Variants in ROR2 observed in about 807,000 individuals in gnomAD.
The protein encoded by ROR2 is ROR family WNT receptor 2, also known as tyrosine-protein kinase transmembrane receptor ROR2.
Under a neutral mutation model 74.9 loss-of-function variants are expected in ROR2, and 33 were observed. The ratio of observed to expected loss-of-function variants is 0.44; its 90% CI spans 0.33 to 0.59. The LOEUF is 0.59. Among genes scored for constraint, ROR2 ranks in the 20% least tolerant of loss-of-function variants. ROR2 has a pLI of 0.02. For missense variants in ROR2, 1,216 were observed against 1,313.8 expected (o/e 0.93, Z 1.15); for synonymous variants, 586 against 558.7 (o/e 1.05, Z -0.69).
intron 1 of ROR2, among the ~76,000 whole-genome samples, chr9:91,935,205 C>T (rs7038823): frequency 0.3 from 45,599 of 152,096 alleles, 6,995 homozygotes; most frequent in Non-Finnish European, 0.32. Flanking sequence ...ACCCCACCTC[C>T]GGCACTCAAC....
At position 91,724,694 on chromosome 9, in the gene ROR2, C is replaced by G. The variant is rs368564192; in HGVS notation, c.1800G>C (p.Ala600=). The change falls in exon 9 of 9, where the codon GCG becomes GCC. Residue 600 remains alanine (A), a synonymous_variant. Coordinates refer to ENST00000375708, the MANE Select transcript of ROR2 (RefSeq NM_004560.4). ...GGCTGGATAGGTACTCCATCCCCGC[C>G]GCGATCTGTGCCACAAGGTGCACGA... ...PDFVHLVAQI[A]AGMEYLSSHH... is the part of the protein sequence containing the mutation. 100 of 1,614,102 alleles carry G rather than the reference C, an allele frequency of 6.2e-5. No individual in the cohort carries two copies. The highest frequency in any genetic ancestry group is 8.1e-5 in the Non-Finnish European group (95 of 1,180,046).
intron 1 of ROR2, among the ~76,000 whole-genome samples, chr9:91,939,405 C>T (rs958898447): frequency 2.6e-5 from 4 of 152,284 alleles, no homozygotes; most frequent in African/African-American, 9.6e-5. Flanking sequence ...AGTCAAAGAG[C>T]TTGGGATAAC....
At chr9:91,913,106 G>A (rs889901249) in intron 1 of ROR2, among the ~76,000 whole-genome samples, 1 of 152,072 alleles carries the variant, frequency 6.6e-6, no homozygotes, top group African/African-American at 2.4e-5. Context: ...TCCAGCCTGA[G>A]CAACAGAGTG....
chr9:91,767,026 G>A (rs1210475287), intron 2 of ROR2, among the ~76,000 whole-genome samples: 1 of 151,852 alleles, frequency 6.6e-6, no homozygotes, highest in Admixed American at 6.6e-5. Flanking sequence ...CAAAGTAACA[G>A]AGGAATCCCC....
At chr9:91,864,219 A>G (rs1829559378) in intron 1 of ROR2, among the ~76,000 whole-genome samples, 1 of 152,194 alleles carries the variant, frequency 6.6e-6, no homozygotes, top group Non-Finnish European at 1.5e-5. Context: ...TTCCTGTTAG[A>G]TTATGTGAAT....
chr9:91,870,696 G>GA (rs1170223881), intron 1 of ROR2, among the ~76,000 whole-genome samples: 2 of 152,158 alleles, frequency 1.3e-5, no homozygotes, highest in Admixed American at 6.5e-5. Context: ...GTGTCAAAAA[G>GA]AAAAAACCTC....
At chr9:91,812,644 G>A (rs1827799966) in intron 1 of ROR2, among the ~76,000 whole-genome samples, 1 of 151,970 alleles carries the variant, frequency 6.6e-6, no homozygotes, top group South Asian at 2.1e-4. Flanking sequence ...AGCTGGGTGT[G>A]TGTGAACTGT....
chr9:91,870,958 G>C (rs1829778340), intron 1 of ROR2, among the ~76,000 whole-genome samples: 1 of 152,196 alleles, frequency 6.6e-6, no homozygotes, highest in South Asian at 2.1e-4. Flanking sequence ...TAAACGCAAA[G>C]AACTGCTAAT....
rs1458521682 is a variant in ROR2, at chr9:91,723,809, A to C, written c.2685T>G (p.Asp895Glu). The C allele has an allele frequency of 6.2e-7, 1 of 1,613,714 alleles. No individual in the cohort carries two copies. The highest frequency in any genetic ancestry group is 1.3e-5 in the African/African-American group (1 of 74,902). Residue 895 changes from aspartate (D) to glutamate (E), a missense_variant, in exon 9 of 9, where the codon GAT (aspartate) becomes GAG (glutamate). Asp to Glu is a conservative substitution (Grantham distance 45, BLOSUM62 2). Transcript: ENST00000375708. ...CATCTTCTGGGGCGTTCTGTGTGTC[A>C]TCAGCGCCCTCTGAGAGCAGGGCTG... ...DRAALLSEGA[D>E]DTQNAPEDGA...
intron 1 of ROR2, among the ~76,000 whole-genome samples, chr9:91,803,799 C>T (rs1021030967): frequency 3.9e-5 from 6 of 152,192 alleles, no homozygotes; most frequent in African/African-American, 1.2e-4. Flanking sequence ...TGCATAAAAC[C>T]GACAGCTTAT....
chr9:91,784,435 A>C (rs759410036), intron 1 of ROR2, among the ~76,000 whole-genome samples: 2 of 152,176 alleles, frequency 1.3e-5, no homozygotes, highest in Non-Finnish European at 2.9e-5. Flanking sequence ...CAGATGCATC[A>C]GGTGGGGTGC....
At chr9:91,802,936 A>G (rs988091723) in intron 1 of ROR2, among the ~76,000 whole-genome samples, 2 of 152,184 alleles carry the variant, frequency 1.3e-5, no homozygotes, top group African/African-American at 2.4e-5. Context: ...GAGCACACCG[A>G]AAGATGCTCA....
intron 1 of ROR2, among the ~76,000 whole-genome samples, chr9:91,872,481 CA>C (rs1291869880): frequency 6.6e-6 from 1 of 152,334 alleles, no homozygotes; most frequent in East Asian, 1.9e-4. Context: ...TTACACCACA[CA>C]GCCAGAATTT....
chr9:91,858,904 G>A (rs77300151), intron 1 of ROR2, among the ~76,000 whole-genome samples: 2 of 152,138 alleles, frequency 1.3e-5, no homozygotes, highest in African/African-American at 4.8e-5. Flanking sequence ...GGACAGAAGA[G>A]GAATCAGAGC....
At chr9:91,864,390 G>A (rs769574578) in intron 1 of ROR2, among the ~76,000 whole-genome samples, 2 of 152,214 alleles carry the variant, frequency 1.3e-5, no homozygotes, top group Admixed American at 6.5e-5. Context: ...TCCCTCAGGA[G>A]GCCAGGAACA....
intron 1 of ROR2, chr9:91,887,152 T>C (rs558059168): frequency 1.3e-5 from 2 of 152,330 alleles, no homozygotes; most frequent in South Asian, 2.1e-4. Context: ...AGGAAATCTT[T>C]TGAGAGTTCC....
At chr9:91,775,624 G>A (rs1826392091) in intron 2 of ROR2, 117 bp downstream of exon 2, 2 of 888,850 alleles carry the variant, frequency 2.3e-6, no homozygotes, top group Admixed American at 1.9e-5. Context: ...CCACCACCAG[G>A]GGGCACCAAG....
chr9:91,744,502 C>T (rs568261963), intron 4 of ROR2, among the ~76,000 whole-genome samples: 5 of 151,908 alleles, frequency 3.3e-5, no homozygotes, highest in South Asian at 2.1e-4. Flanking sequence ...TGGGATTACA[C>T]GCGTGAGCCA....
At chr9:91,771,856 A>T (rs1322683454) in intron 2 of ROR2, among the ~76,000 whole-genome samples, 2 of 152,252 alleles carry the variant, frequency 1.3e-5, no homozygotes, top group Non-Finnish European at 2.9e-5. Flanking sequence ...TAAAGCTGTC[A>T]TATCACTGAT....
Sources: allele counts gnomAD v4.1 joint callset (sites outside exome capture counted in the v4.1 genomes callset), GRCh38; gene constraint gnomAD v4.1.1; transcripts MANE v1.5; gene names NCBI Gene and HGNC (gene_info 2026-07-23, HGNC 2026-07-21).